The following USP1 variants were observed in gnomAD, a reference collection of about 807,000 sequenced individuals.
USP1 encodes the protein ubiquitin carboxyl-terminal hydrolase 1.
A neutral mutation model predicts 72.2 loss-of-function variants in USP1; 18 were observed. That is an observed-to-expected ratio of 0.25 (90% CI 0.17 to 0.37). The LOEUF (loss-of-function observed/expected upper bound fraction) is 0.37. Among genes scored for constraint, USP1 ranks in the 10% least tolerant of loss-of-function variants. The probability of loss-of-function intolerance (pLI) is 1.00; values close to 1 mark genes in which losing one functional copy is unlikely to be tolerated. For missense variants in USP1, 759 were observed against 884.9 expected, an observed-to-expected ratio of 0.86 and a Z score of 1.81; for synonymous variants, 354 against 303.7, an observed-to-expected ratio of 1.17 and a Z score of -1.72.
Position 62,445,114 on chromosome 1 carries a change from G to A in USP1, c.934G>A (p.Glu312Lys), listed in dbSNP as rs1273639452. 6.2e-7 allele frequency: 1 copy of A among 1,613,398 alleles called. No homozygotes were observed. Among genetic ancestry groups the A allele is most frequent in the African/African-American group, 1.3e-5 (1 of 74,892 alleles). The change falls in exon 6 of 9, where the codon GAG becomes AAG. Residue 312 changes from glutamate to lysine, a missense_variant. Physicochemically the swap from Glu to Lys is moderately conservative, Grantham distance 56. This residue lies in a region of USP1 where 245 missense variants were observed against 240.7 expected (regional missense o/e 1.02). Coordinates refer to ENST00000339950, the MANE Select transcript of USP1 (RefSeq NM_003368.5). ...SKRKATSDTL[E>K]SPPKIIPKYI... ...AAGAAAAGCTACAAGTGATACATTAGAGAGTCCTCCTAAAATAATTCCCAA... is the reference window on the plus strand; with the variant it reads ...AAGAAAAGCTACAAGTGATACATTAAAGAGTCCTCCTAAAATAATTCCCAA...
chr1:62,440,301 GTCTT>G (rs1401547238), intron 2 of USP1, among the ~76,000 whole-genome samples: 5 of 151,936 alleles, frequency 3.3e-5, no homozygotes, highest in Non-Finnish European at 5.9e-5. Flanking sequence ...GACTAAAATT[GTCTT>G]TCTGAGTTTA....
chr1:62,437,020 G>C (rs1645092349), upstream of USP1: 1 of 398,148 alleles, frequency 2.5e-6, no homozygotes, highest in Non-Finnish European at 4.4e-6. Flanking sequence ...CGCGGGCGGA[G>C]GCTAAAACAC....
chr1:62,451,219 CTTAA>C lies in USP1; in HGVS notation c.*243_*246del, dbSNP rs1049324483. On this transcript the variant is annotated 3_prime_UTR_variant, in exon 9 of 9. Transcript: ENST00000339950. ...TTCTGGGAACAAACTTGTATCGGTTCTTAATTAAATTATCCAAAACGGAGGCATT... is the reference window on the plus strand; with the variant it reads ...TTCTGGGAACAAACTTGTATCGGTTCTTAAATTATCCAAAACGGAGGCATT... The C allele has an allele frequency of 8.4e-6, 3 of 357,176 alleles. No individual in the cohort carries two copies. The highest frequency in any genetic ancestry group is 4.2e-5 in the African/African-American group (2 of 47,398). 22.1% of individuals were successfully genotyped at this position (357,176 alleles called of 1,614,324 possible).
At chr1:62,438,285 A>G (rs1645106519) in intron 1 of USP1, among the ~76,000 whole-genome samples, 2 of 152,196 alleles carry the variant, frequency 1.3e-5, no homozygotes, top group Admixed American at 1.3e-4. Context: ...ACCTTTTATC[A>G]GAATCATTAA....
chr1:62,449,780 C>T (rs628385), intron 8 of USP1, among the ~76,000 whole-genome samples: 5,130 of 151,692 alleles, frequency 0.034, 300 homozygotes, highest in African/African-American at 0.12. Context: ...GGCGTGGTGG[C>T]GGGCACTTGT....
intron 1 of USP1, among the ~76,000 whole-genome samples, chr1:62,437,860 C>G: frequency 6.6e-6 from 1 of 152,230 alleles, no homozygotes; most frequent in East Asian, 1.9e-4. Context: ...GTGTCTTAAA[C>G]CTTGGCGAAG....
At position 62,450,499 on chromosome 1, in the gene USP1, C is replaced by A; in HGVS notation, c.1876C>A (p.Pro626Thr). The change falls in exon 9 of 9, where the codon CCA becomes ACA. Residue 626 changes from proline to threonine, a missense_variant. By Grantham distance (38) the Pro-to-Thr change is conservative. Transcript: ENST00000339950. ...DQMCEIGKPE[P>T]LNEEEARGVV... ...AATGTGTGAAATAGGTAAGCCAGAA[C>A]CATTGAATGAGGAGGAAGCAAGGGG... 6.2e-7 allele frequency: 1 copy of A among 1,613,850 alleles called. No homozygotes were observed. The highest frequency in any genetic ancestry group is 1.1e-5 in the South Asian group (1 of 91,052).
chr1:62,445,458 T>C, intron 6 of USP1, 29 bp downstream of exon 6: 1 of 1,479,740 alleles, frequency 6.8e-7, no homozygotes, highest in East Asian at 2.3e-5. Flanking sequence ...CTTTGATAGG[T>C]AGAAGCATTA....
chr1:62,439,784 C>T lies in USP1; in HGVS notation c.-69-15C>T. The T allele has an allele frequency of 8.3e-7, 1 of 1,202,386 alleles. No individual in the cohort carries two copies. The highest frequency in any genetic ancestry group is 1.1e-6 in the Non-Finnish European group (1 of 925,734). 74.5% of individuals were successfully genotyped at this position (1,202,386 alleles called of 1,614,324 possible). On this transcript the variant is annotated splice_polypyrimidine_tract_variant and intron_variant, in intron 1 of 8. Coordinates refer to ENST00000339950, the MANE Select transcript of USP1 (RefSeq NM_003368.5). ...GATAACCAAAAACTAATGAAACTTT[C>T]TCTGTGATTAACAGATATAATTGGT...
intron 2 of USP1, among the ~76,000 whole-genome samples, chr1:62,440,924 C>T (rs904990868): frequency 2.6e-5 from 4 of 152,020 alleles, no homozygotes; most frequent in African/African-American, 9.7e-5. Flanking sequence ...TGGGCTCGAG[C>T]AGTCCTCCCA....
intron 1 of USP1, among the ~76,000 whole-genome samples, 199 bp from the exon 2 acceptor site, chr1:62,439,600 G>C (rs1645118272): frequency 6.6e-6 from 1 of 152,164 alleles, no homozygotes; most frequent in South Asian, 2.1e-4. Flanking sequence ...AGTAGCTTCT[G>C]TTTTTTGTTC....
intron 1 of USP1, 48 bp downstream of exon 1, chr1:62,437,448 G>A (rs537280816): frequency 3.5e-5 from 12 of 341,312 alleles, no homozygotes; most frequent in South Asian, 3.1e-4. Context: ...GCGGGGGCAA[G>A]TTCGGCCGGC....
In USP1 at chr1:62,445,253, T is replaced by G; in HGVS notation, c.1073T>G (p.Leu358Arg). The G allele has an allele frequency of 6.2e-7, 1 of 1,612,364 alleles. No individual in the cohort carries two copies. The highest frequency in any genetic ancestry group is 8.5e-7 in the Non-Finnish European group (1 of 1,179,546). Residue 358 changes from leucine (L) to arginine (R), a missense_variant, in exon 6 of 9, where the codon CTG becomes CGG. Transcript: ENST00000339950. Reference protein sequence around the residue: ...QPSILSKFCSLGKITTNQGVK... With the variant: ...QPSILSKFCSRGKITTNQGVK... Reference sequence around the variant, plus strand: ...AGCATTCTTTCTAAATTTTGTAGTCTGGGAAAAATAACAACAAACCAAGGA... The same window carrying G: ...AGCATTCTTTCTAAATTTTGTAGTCGGGGAAAAATAACAACAAACCAAGGA...
In USP1 at chr1:62,451,105, T is replaced by TCTG; in HGVS notation, c.*124_*125insCTG. On this transcript the variant is annotated 3_prime_UTR_variant, in exon 9 of 9. Coordinates refer to ENST00000339950, the MANE Select transcript of USP1 (RefSeq NM_003368.5). ...CTGGATATTATTGGTCTCTCTAGGTTTTTATATAAATAGTGAAATTTGAAT... is the reference window on the plus strand; with the variant it reads ...CTGGATATTATTGGTCTCTCTAGGTTCTGTTTATATAAATAGTGAAATTTGAAT... The TCTG allele has an allele frequency of 2.0e-6, 2 of 995,224 alleles. No homozygotes were observed. Among genetic ancestry groups the TCTG allele is most frequent in the South Asian group, 4.7e-5 (2 of 42,674 alleles). The allele number at this position is 995,224 out of a possible 1,614,324, so 61.6% of individuals were successfully genotyped here.
rs759431002 is a variant in USP1 at position 62,450,371 on chromosome 1, T to G, written c.1748T>G (p.Met583Arg). The change falls in exon 9 of 9, where the codon ATG becomes AGG. Residue 583 changes from methionine (M) to arginine (R), a missense_variant. Physicochemically the swap from Met to Arg is moderately conservative, Grantham distance 91. This residue lies in a region of USP1 where 140 missense variants were observed against 222.8 expected (regional missense o/e 0.63). Transcript: ENST00000339950. ...AGCTATGGATTATTTGCGGTTGTGA[T>G]GCATAGTGGCATTACAATTAGTAGT... ...NDSYGLFAVV[M>R]HSGITISSGH... 1.2e-6 allele frequency: 2 copies of G among 1,614,202 alleles called. No individual in the cohort carries two copies. The highest frequency in any genetic ancestry group is 1.7e-6 in the Non-Finnish European group (2 of 1,180,036).
At position 62,450,530 on chromosome 1, in the gene USP1, T is replaced by C. The variant is rs1263138319; in HGVS notation, c.1907T>C (p.Val636Ala). The change falls in exon 9 of 9, where the codon GTT becomes GCT. Residue 636 changes from valine (V) to alanine (A), a missense_variant. By Grantham distance (64) the Val-to-Ala change is moderately conservative. Coordinates refer to ENST00000339950, the MANE Select transcript of USP1 (RefSeq NM_003368.5). ...PLNEEEARGV[V>A]ENYNDEEVSI... Reference sequence around the variant, plus strand: ...AATGAGGAGGAAGCAAGGGGTGTGGTTGAGAATTATAATGATGAAGAAGTG... The same window carrying C: ...AATGAGGAGGAAGCAAGGGGTGTGGCTGAGAATTATAATGATGAAGAAGTG... 4 of 1,613,742 alleles carry C rather than the reference T, an allele frequency of 2.5e-6. No homozygotes were observed. Among genetic ancestry groups the C allele is most frequent in the Non-Finnish European group, 3.4e-6 (4 of 1,179,996 alleles).
In USP1 at chr1:62,449,284, G is replaced by A. The variant is rs1463779130; in HGVS notation, c.1622+618G>A. On this transcript the variant is annotated intron_variant, in intron 8 of 8. Transcript: ENST00000339950. The stretch of plus-strand genomic sequence containing the variant: ...AGGGAACAAATTTTGTATACATCAA[G>A]ATTTTTTTGAAGGGGCGGGAAAGGC... Among the ~76,000 whole-genome samples the A allele has an allele frequency of 2.0e-5, 3 of 152,212 alleles. No homozygotes were observed. The East Asian group carries it at 5.8e-4, about 29-fold the overall frequency.
chr1:62,447,944 G>A (rs1217461260), intron 7 of USP1, among the ~76,000 whole-genome samples: 1 of 151,978 alleles, frequency 6.6e-6, no homozygotes, highest in African/African-American at 2.4e-5. Flanking sequence ...CCACCACCAC[G>A]CCCGGCTAAT....
Position 62,445,029 on chromosome 1 carries a change from A to T in USP1, c.849A>T (p.Lys283Asn), listed in dbSNP as rs1279592486. 3.7e-6 allele frequency: 6 copies of T among 1,613,204 alleles called. No individual in the cohort carries two copies. The highest frequency in any genetic ancestry group is 4.2e-6 in the Non-Finnish European group (5 of 1,179,800). Reference sequence around the variant, plus strand: ...CTGAATTTGGTAACATGAAGAAAAAAGTTAAATTATCCAAGGAACACCAGT... The same window carrying T: ...CTGAATTTGGTAACATGAAGAAAAATGTTAAATTATCCAAGGAACACCAGT... Reference protein sequence around the residue: ...SDTEFGNMKKKVKLSKEHQSL... With the variant: ...SDTEFGNMKKNVKLSKEHQSL... The change falls in exon 6 of 9, where the codon AAA becomes AAT. Residue 283 changes from lysine (K) to asparagine (N), a missense_variant. By Grantham distance (94) the Lys-to-Asn change is moderately conservative. Around this residue, in one of 9 missense-constraint regions of USP1, gnomAD observed 245 missense variants for 240.7 expected, o/e 1.02. Coordinates refer to ENST00000339950, the MANE Select transcript of USP1 (RefSeq NM_003368.5).
Sources: gnomAD v4.1 joint callset for allele counts (sites outside exome capture counted in the v4.1 genomes callset) on GRCh38, gnomAD v4.1.1 for gene constraint, gnomAD v4.1.1 regional missense constraint, MANE v1.5 for transcripts, NCBI Gene and HGNC (gene_info 2026-07-23, HGNC 2026-07-21) for gene names.